Variants in DOCK3 observed in about 807,000 individuals in gnomAD.
DOCK3 encodes the protein dedicator of cytokinesis 3, also known as dedicator of cytokinesis protein 3.
A neutral mutation model predicts 265.6 loss-of-function variants in DOCK3; 60 were observed. The observed-to-expected ratio is 0.23, with a 90% CI of 0.18 to 0.28. The LOEUF is 0.28. Among genes scored for constraint, DOCK3 ranks in the 10% least tolerant of loss-of-function variants. The probability of loss-of-function intolerance (pLI) is 1.00; values close to 1 mark genes in which losing one functional copy is unlikely to be tolerated. For missense variants in DOCK3, 1,981 were observed against 2,594.3 expected (o/e 0.76, Z 5.14); for synonymous variants, 881 against 938.0 (o/e 0.94, Z 1.11).
intron 9 of DOCK3, among the ~76,000 whole-genome samples, chr3:51,122,432 G>C (rs2084068601): frequency 6.6e-6 from 1 of 152,152 alleles, no homozygotes; most frequent in Non-Finnish European, 1.5e-5. Context: ...AGACAACGGA[G>C]CAAGACTTTG....
rs2080931414 is a variant in DOCK3, at chr3:51,278,418, G to A, written c.2823+664G>A. Reference sequence around the variant, plus strand: ...TGGGGATGTGATAAACAGTTTTCGTGGAATCTTTCCATTGGCAGATGGGAG... The same window carrying A: ...TGGGGATGTGATAAACAGTTTTCGTAGAATCTTTCCATTGGCAGATGGGAG... On this transcript the variant is annotated intron_variant, in intron 26 of 52. Transcript: ENST00000266037. 4.1e-6 allele frequency: 4 copies of A among 985,172 alleles called. No individual in the cohort carries two copies. In the Admixed American group the frequency reaches 2.5e-4, roughly 61 times the overall value. 61.0% of individuals were successfully genotyped at this position (985,172 alleles called of 1,614,324 possible). A position where few individuals can be genotyped will look rare whatever the true frequency, so the allele number is the denominator to read the frequency against.
At chr3:51,065,916 A>G (rs1158413766) in intron 6 of DOCK3, among the ~76,000 whole-genome samples, 1 of 152,218 alleles carries the variant, frequency 6.6e-6, no homozygotes, top group Non-Finnish European at 1.5e-5. Flanking sequence ...CTGTACACAA[A>G]GAAAGTAACC....
intron 9 of DOCK3, among the ~76,000 whole-genome samples, chr3:51,144,121 C>T (rs949809490): frequency 5.9e-5 from 9 of 152,132 alleles, no homozygotes; most frequent in African/African-American, 2.2e-4. Flanking sequence ...CCCCTTGATA[C>T]CTTTATTTGA....
intron 2 of DOCK3, among the ~76,000 whole-genome samples, chr3:50,781,267 CT>C (rs34844040): frequency 1.1e-3 from 127 of 120,458 alleles, no homozygotes; most frequent in East Asian, 7.5e-3. Flanking sequence ...TATAGTAGTT[CT>C]TTTTTTTTTT....
At chr3:51,249,437 G>A (rs1287867407) in intron 22 of DOCK3, among the ~76,000 whole-genome samples, 25 of 114,568 alleles carry the variant, frequency 2.2e-4, no homozygotes, top group Non-Finnish European at 3.3e-4. Context: ...GCCTCTGTCC[G>A]GCCGCCCCTA....
intron 9 of DOCK3, among the ~76,000 whole-genome samples, chr3:51,138,456 G>A (rs1195980705): frequency 6.6e-6 from 1 of 152,210 alleles, no homozygotes; most frequent in East Asian, 1.9e-4. Flanking sequence ...ACTAGAGTAT[G>A]AAAGTCTTGA....
chr3:50,681,322 G>T (rs2034392477), intron 1 of DOCK3, among the ~76,000 whole-genome samples: 1 of 152,034 alleles, frequency 6.6e-6, no homozygotes, highest in South Asian at 2.1e-4. Context: ...TTTTACATTG[G>T]TGCTAAATTT....
chr3:51,342,315 A>T (rs1474466974), intron 38 of DOCK3, among the ~76,000 whole-genome samples: 2 of 152,238 alleles, frequency 1.3e-5, no homozygotes, highest in Non-Finnish European at 2.9e-5. Context: ...GGTAAGCAAG[A>T]ACCTTTCCAA....
At chr3:51,050,560 G>A (rs1174250343) in intron 5 of DOCK3, among the ~76,000 whole-genome samples, 2 of 152,132 alleles carry the variant, frequency 1.3e-5, no homozygotes, top group Non-Finnish European at 2.9e-5. Context: ...AGGGCAAGAA[G>A]TCCCATGATC....
chr3:51,291,094 A>G (rs899931842), intron 27 of DOCK3, among the ~76,000 whole-genome samples: 1 of 152,176 alleles, frequency 6.6e-6, no homozygotes, highest in African/African-American at 2.4e-5. Flanking sequence ...AAAAATAACA[A>G]AAATAATATC....
At chr3:51,002,675 C>T (rs1444072608) in intron 5 of DOCK3, among the ~76,000 whole-genome samples, 2 of 152,180 alleles carry the variant, frequency 1.3e-5, no homozygotes, top group Non-Finnish European at 2.9e-5. Context: ...TTTAAACAGC[C>T]TTGAACTTTG....
At chr3:51,027,746 T>C (rs1275397215) in intron 5 of DOCK3, among the ~76,000 whole-genome samples, 1 of 152,162 alleles carries the variant, frequency 6.6e-6, no homozygotes, top group Non-Finnish European at 1.5e-5. Flanking sequence ...GTATCTGATA[T>C]AGGAATAGCA....
At chr3:51,357,367 A>G (rs887873519) in intron 44 of DOCK3, among the ~76,000 whole-genome samples, 8 of 152,086 alleles carry the variant, frequency 5.3e-5, no homozygotes, top group Non-Finnish European at 1.2e-4. Context: ...AAGATGGGTA[A>G]TCTGTAATCC....
intron 10 of DOCK3, among the ~76,000 whole-genome samples, chr3:51,152,773 G>A (rs1164244704): frequency 6.6e-6 from 1 of 152,182 alleles, no homozygotes; most frequent in Non-Finnish European, 1.5e-5. Flanking sequence ...AGGTCTGTTG[G>A]AGTTTGCTGG....
chr3:50,909,828 T>C lies in DOCK3; in HGVS notation c.218+19747T>C, dbSNP rs1453937113. On this transcript the variant is annotated intron_variant, in intron 4 of 52. Coordinates refer to ENST00000266037, the MANE Select transcript of DOCK3 (RefSeq NM_004947.5). ...TGAAGTATGTTTTCCAACCTAGTTC[T>C]GTTCTCTCCATCTCTTTCAGGTAAC... Among the ~76,000 whole-genome samples, 5 of 152,074 alleles carry C rather than the reference T, an allele frequency of 3.3e-5. No individual in the cohort carries two copies. The East Asian group carries it at 5.8e-4, about 18-fold the overall frequency.
intron 1 of DOCK3, among the ~76,000 whole-genome samples, chr3:50,753,024 G>A (rs1480103938): frequency 6.6e-6 from 1 of 152,090 alleles, no homozygotes; most frequent in Non-Finnish European, 1.5e-5. Flanking sequence ...GACTTCATGG[G>A]CCATGAGGCA....
At chr3:51,125,077 A>G (rs773135191) in intron 9 of DOCK3, among the ~76,000 whole-genome samples, 21 of 152,118 alleles carry the variant, frequency 1.4e-4, no homozygotes, top group Non-Finnish European at 2.6e-4. Flanking sequence ...AGCCGAGATC[A>G]CGCCACTGCA....
chr3:51,102,708 C>A (rs2083134976), intron 9 of DOCK3, among the ~76,000 whole-genome samples: 1 of 152,108 alleles, frequency 6.6e-6, no homozygotes, highest in Non-Finnish European at 1.5e-5. Context: ...GCATGGGAAC[C>A]AGGAGTCCAA....
intron 5 of DOCK3, among the ~76,000 whole-genome samples, 180 bp from the exon 6 acceptor site, chr3:51,064,268 G>C (rs895662500): frequency 6.6e-6 from 1 of 152,174 alleles, no homozygotes; most frequent in East Asian, 1.9e-4. Context: ...ATGTCACTAC[G>C]TAGAGATTTT....
Sources: allele counts gnomAD v4.1 joint callset (sites outside exome capture counted in the v4.1 genomes callset), GRCh38; gene constraint gnomAD v4.1.1; transcripts MANE v1.5; gene names NCBI Gene and HGNC (gene_info 2026-07-23, HGNC 2026-07-21).